NOS1AP: variants seen among roughly 807,000 people sequenced by gnomAD.
The protein encoded by NOS1AP is nitric oxide synthase 1 adaptor protein.
A neutral mutation model predicts 56.2 loss-of-function variants in NOS1AP; 21 were observed. The observed-to-expected ratio is 0.37, with a 90% CI of 0.26 to 0.54. The LOEUF (loss-of-function observed/expected upper bound fraction) is 0.54, where lower values mean the gene tolerates loss of function less well. Ranked by LOEUF, NOS1AP falls within the 20% of genes least tolerant of loss-of-function variation. NOS1AP has a pLI of 0.84. For synonymous variants in NOS1AP, 270 were observed against 274.6 expected (o/e 0.98, Z 0.17); for missense variants, 522 against 657.8 (o/e 0.79, Z 2.26).
intron 2 of NOS1AP, among the ~76,000 whole-genome samples, chr1:162,163,262 A>G (rs747317785): frequency 7.2e-5 from 11 of 152,128 alleles, no homozygotes; most frequent in Admixed American, 2.0e-4. Flanking sequence ...ATTAAATTTT[A>G]GAAAACACTT....
intron 6 of NOS1AP, among the ~76,000 whole-genome samples, chr1:162,345,628 G>A (rs2101809127): frequency 6.6e-6 from 1 of 152,274 alleles, no homozygotes; most frequent in African/African-American, 2.4e-5. Context: ...CAAAAGAAAT[G>A]CTAGTCTGCA....
chr1:162,071,983 C>G (rs1691667945), intron 1 of NOS1AP, among the ~76,000 whole-genome samples: 1 of 151,766 alleles, frequency 6.6e-6, no homozygotes. Context: ...TCGCCTGAGC[C>G]CAGGAGTTAG....
chr1:162,103,266 G>A (rs563990052), intron 1 of NOS1AP, among the ~76,000 whole-genome samples: 58 of 151,304 alleles, frequency 3.8e-4, no homozygotes, highest in East Asian at 1.2e-3. Context: ...TTAACGTTGC[G>A]TTCTAATTTG....
chr1:162,290,322 G>A (rs368523461), intron 3 of NOS1AP, among the ~76,000 whole-genome samples: 5 of 152,096 alleles, frequency 3.3e-5, no homozygotes, highest in African/African-American at 7.2e-5. Flanking sequence ...CTTTAACCAC[G>A]GGGTTCATTT....
chr1:162,124,626 G>A lies in NOS1AP; in HGVS notation c.106-29779G>A, dbSNP rs1025590214. Among the ~76,000 whole-genome samples the A allele has an allele frequency of 2.0e-5, 3 of 152,082 alleles. No individual in the cohort carries two copies. The East Asian group carries it at 5.8e-4, about 30-fold the overall frequency. ...CAACCTCTGCCTCCCAGGTTCAAGC[G>A]ATTTCCTGCCCCAGCCTCCTGAGTA... On this transcript the variant is annotated intron_variant, in intron 1 of 9. Coordinates refer to ENST00000361897, the MANE Select transcript of NOS1AP (RefSeq NM_014697.3).
At chr1:162,108,482 AAAT>A (rs1443003959) in intron 1 of NOS1AP, among the ~76,000 whole-genome samples, 1 of 152,216 alleles carries the variant, frequency 6.6e-6, no homozygotes, top group African/African-American at 2.4e-5. Context: ...AAAGGGAAAG[AAAT>A]AAGCATTTTA....
intron 3 of NOS1AP, among the ~76,000 whole-genome samples, chr1:162,292,235 A>G (rs1259988190): frequency 6.6e-6 from 1 of 152,226 alleles, no homozygotes. Flanking sequence ...ATTGCATTGT[A>G]GTTATTTATC....
chr1:162,180,028 A>G (rs1651196291), intron 2 of NOS1AP, among the ~76,000 whole-genome samples: 1 of 152,154 alleles, frequency 6.6e-6, no homozygotes, highest in South Asian at 2.1e-4. Context: ...CCTGGATCTG[A>G]GAGGTGAGGA....
At chr1:162,178,979 G>GT (rs1316257818) in intron 2 of NOS1AP, among the ~76,000 whole-genome samples, 3 of 152,006 alleles carry the variant, frequency 2.0e-5, no homozygotes, top group Non-Finnish European at 2.9e-5. Context: ...TGTTTGTGGG[G>GT]TTTTTTGGTG....
chr1:162,343,988 G>A lies in NOS1AP; in HGVS notation c.595+12G>A, dbSNP rs186326510. ...CTCAGGAGACCCAGGTAGGCACTGC[G>A]GCTTCTGTGGATGTGGGTGGGAAGG... On this transcript the variant is annotated intron_variant, in intron 6 of 9. Transcript: ENST00000361897. The A allele has an allele frequency of 2.4e-4, 395 of 1,613,892 alleles. 3 individuals are homozygous for A. In the African/African-American group the frequency reaches 4.6e-3, roughly 19 times the overall value.
At chr1:162,148,094 G>A (rs1649557145) in intron 1 of NOS1AP, among the ~76,000 whole-genome samples, 1 of 152,176 alleles carries the variant, frequency 6.6e-6, no homozygotes, top group South Asian at 2.1e-4. Context: ...CTGGATAAAA[G>A]TCAAGTAAGT....
In NOS1AP at chr1:162,110,082, T is replaced by TG. The variant is rs1461670533; in HGVS notation, c.105+39803dup. 4.6e-5 allele frequency among the ~76,000 whole-genome samples: 7 copies of TG among 152,152 alleles called. No individual in the cohort carries two copies. The East Asian group carries it at 1.4e-3, about 29-fold the overall frequency. On this transcript the variant is annotated intron_variant, in intron 1 of 9. Coordinates refer to ENST00000361897, the MANE Select transcript of NOS1AP (RefSeq NM_014697.3). ...CTCCCCATGTCACTTGGCCAGTGAGTGGGATAGCTGGGATTCGAACCTGGG... is the reference window on the plus strand; with the variant it reads ...CTCCCCATGTCACTTGGCCAGTGAGTGGGGATAGCTGGGATTCGAACCTGGG...
intron 6 of NOS1AP, among the ~76,000 whole-genome samples, chr1:162,349,898 G>A (rs1255925146): frequency 1.3e-5 from 2 of 152,194 alleles, no homozygotes; most frequent in Non-Finnish European, 2.9e-5. Flanking sequence ...TTGGTTCTGG[G>A]ATTGGAAATG....
At chr1:162,154,781 TTTTTATTCAAAGA>T (rs1649865199) in intron 2 of NOS1AP, among the ~76,000 whole-genome samples, 2 of 152,148 alleles carry the variant, frequency 1.3e-5, no homozygotes, top group African/African-American at 4.8e-5. Flanking sequence ...TGATGTCTCT[TTTTTATTCAAAGA>T]TTTTAGGGAA....
chr1:162,103,759 T>A (rs192224640), intron 1 of NOS1AP, among the ~76,000 whole-genome samples: 55 of 152,364 alleles, frequency 3.6e-4, no homozygotes, highest in African/African-American at 1.2e-3. Context: ...GACCCTTATT[T>A]TTTTCTGTTT....
chr1:162,132,413 T>C (rs1648792142), intron 1 of NOS1AP, among the ~76,000 whole-genome samples: 1 of 152,210 alleles, frequency 6.6e-6, no homozygotes, highest in Non-Finnish European at 1.5e-5. Context: ...AAAATAATTT[T>C]CTACCCACCT....
At chr1:162,305,451 A>G (rs1339714906) in intron 4 of NOS1AP, among the ~76,000 whole-genome samples, 1 of 151,412 alleles carries the variant, frequency 6.6e-6, no homozygotes, top group Non-Finnish European at 1.5e-5. Flanking sequence ...GTGATTCGCT[A>G]TTACAGTGTT....
intron 2 of NOS1AP, among the ~76,000 whole-genome samples, chr1:162,196,254 G>A (rs955341556): frequency 2.6e-5 from 4 of 152,144 alleles, no homozygotes; most frequent in African/African-American, 7.2e-5. Flanking sequence ...ACTTGATGAC[G>A]ATAAAGGAAT....
intron 4 of NOS1AP, among the ~76,000 whole-genome samples, chr1:162,318,009 C>A (rs1258003078): frequency 6.6e-6 from 1 of 152,156 alleles, no homozygotes; most frequent in Non-Finnish European, 1.5e-5. Flanking sequence ...GAGAGGGATA[C>A]AAGCCAGGGG....
Sources: gnomAD v4.1 joint callset for allele counts (sites outside exome capture counted in the v4.1 genomes callset) on GRCh38, gnomAD v4.1.1 for gene constraint, MANE v1.5 for transcripts, NCBI Gene and HGNC (gene_info 2026-07-23, HGNC 2026-07-21) for gene names.